MTM1: variants seen among roughly 807,000 people sequenced by gnomAD.
MTM1 encodes myotubularin.
In MTM1, 9 loss-of-function variants were observed where a neutral mutation model predicts 52.1. The ratio of observed to expected loss-of-function variants is 0.17; its 90% CI spans 0.10 to 0.30. The LOEUF is 0.30. Ranked by LOEUF, MTM1 falls within the 10% of genes least tolerant of loss-of-function variation. The pLI, the probability that MTM1 is intolerant of heterozygous loss-of-function variation, is 1.00. For missense variants in MTM1, 277 were observed against 470.7 expected (o/e 0.59, Z 3.81); for synonymous variants, 136 against 163.8 (o/e 0.83, Z 1.29).
At chrX:150,644,573 G>A (rs892048490) in intron 8 of MTM1, among the ~76,000 whole-genome samples, 8 of 111,646 alleles carry the variant, frequency 7.2e-5, no homozygotes, top group Admixed American at 1.9e-4. Flanking sequence ...AGACATCAGG[G>A]AATTTGGTGT....
chrX:150,660,374 C>G lies in MTM1; in HGVS notation c.1357C>G (p.Pro453Ala), dbSNP rs782468065. 8.7e-7 allele frequency: 1 copy of G among 1,150,784 alleles called. No homozygotes were observed. Among genetic ancestry groups the G allele is most frequent in the Non-Finnish European group, 1.2e-6 (1 of 841,695 alleles). 94.8% of individuals were successfully genotyped at this position (1,150,784 alleles called of 1,213,427 possible). A position where few individuals can be genotyped will look rare whatever the true frequency, so the allele number is the denominator to read the frequency against. ...DCVWQMSKQF[P>A]TAFEFNEQFL... ...TTGTTTGCTTGTTTTTGTTTAGTTC[C>G]CTACAGCTTTTGAATTCAATGAACA... is the stretch of plus-strand genomic sequence containing the variant. The change falls in exon 13 of 15, where the codon CCT (proline) becomes GCT (alanine). Residue 453 changes from proline to alanine, a missense_variant. Pro to Ala is a conservative substitution (Grantham distance 27). Transcript: ENST00000370396.
At chrX:150,647,583 A>G (rs2039956544) in intron 9 of MTM1, among the ~76,000 whole-genome samples, 1 of 112,113 alleles carries the variant, frequency 8.9e-6, no homozygotes, top group African/African-American at 3.3e-5. Flanking sequence ...GGTAATCTAC[A>G]TTGTTCTTTT....
chrX:150,581,241 C>G (rs1451737972), intron 1 of MTM1, among the ~76,000 whole-genome samples: 2 of 111,713 alleles, frequency 1.8e-5, no homozygotes, highest in African/African-American at 6.5e-5. Flanking sequence ...ATTCCAAAGG[C>G]AGTTTCAAAA....
At chrX:150,668,696 A>G (rs1432451272) in intron 14 of MTM1, among the ~76,000 whole-genome samples, 1 of 110,528 alleles carries the variant, frequency 9.0e-6, no homozygotes, top group Non-Finnish European at 1.9e-5. Flanking sequence ...CAGCCTGGCA[A>G]CAAAGTGAGA....
At chrX:150,662,120 CT>C (rs782035337) in intron 13 of MTM1, among the ~76,000 whole-genome samples, 1 of 111,202 alleles carries the variant, frequency 9.0e-6, no homozygotes. Flanking sequence ...AGAGAGAGCA[CT>C]TTTTTTCATA....
intron 1 of MTM1, among the ~76,000 whole-genome samples, chrX:150,584,509 A>G (rs1235462125): frequency 2.7e-5 from 3 of 111,353 alleles, no homozygotes; most frequent in African/African-American, 9.8e-5. Context: ...CTCCAAAGTC[A>G]TGAAAGTTTA....
intron 13 of MTM1, 82 bp downstream of exon 13, chrX:150,660,566 A>G: frequency 1.7e-6 from 1 of 605,854 alleles, no homozygotes; most frequent in Admixed American, 2.5e-5. Context: ...AAAATATGAT[A>G]GCTTGTAAGA....
intron 13 of MTM1, among the ~76,000 whole-genome samples, chrX:150,662,160 C>T (rs2040232914): frequency 9.0e-6 from 1 of 111,225 alleles, no homozygotes; most frequent in Admixed American, 9.6e-5. Context: ...ACTTTTTAAA[C>T]TATGTGCATA....
At chrX:150,623,566 T>TAAGAAAAAGGA (rs2039516965) in intron 6 of MTM1, among the ~76,000 whole-genome samples, 2 of 110,597 alleles carry the variant, frequency 1.8e-5, no homozygotes, top group African/African-American at 6.6e-5. Flanking sequence ...GGAAAATGAA[T>TAAGAAAAAGGA]ATATTTGTGG....
Position 150,657,988 on chromosome X carries a change from A to G in MTM1, c.1221A>G (p.Val407=). The G allele has an allele frequency of 8.3e-7, 1 of 1,211,396 alleles. No homozygotes were observed. Reference sequence around the variant, plus strand: ...GCATTGAAGGGTTCGAAATACTGGTACAAAAAGAATGGATAAGTTTTGGAC... The same window carrying G: ...GCATTGAAGGGTTCGAAATACTGGTGCAAAAAGAATGGATAAGTTTTGGAC... ...YRSIEGFEIL[V]QKEWISFGHK... is the part of the protein sequence containing the mutation. The change falls in exon 11 of 15, where the codon GTA becomes GTG. Residue 407 remains valine, a synonymous_variant. Coordinates refer to ENST00000370396, the MANE Select transcript of MTM1 (RefSeq NM_000252.3).
chrX:150,596,083 C>T (rs1557412597), intron 2 of MTM1, among the ~76,000 whole-genome samples: 1 of 111,567 alleles, frequency 9.0e-6, no homozygotes, highest in African/African-American at 3.3e-5. Context: ...TGCTGTTATT[C>T]AGTTAAGCCT....
At chrX:150,648,518 C>T (rs1603195411) in intron 9 of MTM1, among the ~76,000 whole-genome samples, 1 of 112,647 alleles carries the variant, frequency 8.9e-6, no homozygotes, top group East Asian at 2.8e-4. Flanking sequence ...CCTACAGGCA[C>T]TCTGGAGTTA....
At chrX:150,647,865 C>T (rs1315430727) in intron 9 of MTM1, among the ~76,000 whole-genome samples, 1 of 112,158 alleles carries the variant, frequency 8.9e-6, no homozygotes, top group Non-Finnish European at 1.9e-5. Flanking sequence ...GGCGGTACAT[C>T]GTGATGAATT....
At chrX:150,623,592 CTT>C (rs1159220171) in intron 6 of MTM1, among the ~76,000 whole-genome samples, 1 of 110,634 alleles carries the variant, frequency 9.0e-6, no homozygotes, top group Non-Finnish European at 1.9e-5. Flanking sequence ...AATCTTGCCT[CTT>C]TTCAAGGCAA....
At chrX:150,623,359 G>C (rs782654014) in intron 6 of MTM1, among the ~76,000 whole-genome samples, 1 of 110,790 alleles carries the variant, frequency 9.0e-6, no homozygotes, top group East Asian at 2.8e-4. Context: ...CAACTCTAGT[G>C]CCTAGTCCAG....
chrX:150,583,808 T>TTA (rs1224587870), intron 1 of MTM1, among the ~76,000 whole-genome samples: 2 of 50,415 alleles, frequency 4.0e-5, no homozygotes, highest in African/African-American at 1.6e-4. Context: ...ATATATTAAA[T>TTA]ATATATATTA....
intron 14 of MTM1, among the ~76,000 whole-genome samples, chrX:150,669,439 G>A (rs1019959394): frequency 4.5e-5 from 5 of 111,669 alleles, no homozygotes; most frequent in East Asian, 2.8e-4. Context: ...TTGAGGAATC[G>A]CCACACTGTC....
chrX:150,664,392 A>C (rs2040271920), intron 14 of MTM1, among the ~76,000 whole-genome samples: 2 of 112,886 alleles, frequency 1.8e-5, no homozygotes, highest in South Asian at 7.2e-4. Flanking sequence ...GGCTGGCCAC[A>C]GCAGGGTCCC....
chrX:150,642,080 C>G (rs2039858166), intron 8 of MTM1, among the ~76,000 whole-genome samples: 1 of 95,273 alleles, frequency 1.0e-5, no homozygotes, highest in African/African-American at 3.5e-5. Context: ...TCATAAGTAC[C>G]TTGGGGTTTT....
Sources: allele counts gnomAD v4.1 joint callset (sites outside exome capture counted in the v4.1 genomes callset), GRCh38; gene constraint gnomAD v4.1.1; transcripts MANE v1.5; gene names NCBI Gene and HGNC (gene_info 2026-07-23, HGNC 2026-07-21).